Variants in PUM1 observed in about 807,000 individuals in gnomAD.
The protein encoded by PUM1 is pumilio homolog 1.
In PUM1, 13 loss-of-function variants were observed where a neutral mutation model predicts 131.8. That is an observed-to-expected ratio of 0.10 (90% CI 0.06 to 0.16). The LOEUF (loss-of-function observed/expected upper bound fraction) is 0.16. Ranked by LOEUF, PUM1 falls within the 10% of genes least tolerant of loss-of-function variation. The probability of loss-of-function intolerance (pLI) is 1.00; values close to 1 mark genes in which losing one functional copy is unlikely to be tolerated. For missense variants in PUM1, 961 were observed against 1,512.4 expected, an observed-to-expected ratio of 0.64 and a Z score of 6.05; for synonymous variants, 509 against 556.5, an observed-to-expected ratio of 0.91 and a Z score of 1.20.
chr1:30,956,667 G>C (rs1364435664), intron 14 of PUM1, among the ~76,000 whole-genome samples: 1 of 152,188 alleles, frequency 6.6e-6, no homozygotes, highest in Non-Finnish European at 1.5e-5. Flanking sequence ...GCAGGTATGG[G>C]GAAAGTGTGG....
rs1192499013 is a variant in PUM1 at position 31,025,061 on chromosome 1, TG to T, written c.432+3734del. Among the ~76,000 whole-genome samples, 5 of 152,264 alleles carry T rather than the reference TG, an allele frequency of 3.3e-5. No homozygotes were observed. The East Asian group carries it at 9.6e-4, about 29-fold the overall frequency. ...AAGTAGACAAAATTTTTAAATAATTTGTGGCCTTGATCCTAAGATCTTTTCC... is the reference window on the plus strand; with the variant it reads ...AAGTAGACAAAATTTTTAAATAATTTTGGCCTTGATCCTAAGATCTTTTCC... On this transcript the variant is annotated intron_variant, in intron 3 of 21. Coordinates refer to ENST00000426105, the MANE Select transcript of PUM1 (RefSeq NM_001020658.2).
At chr1:31,055,263 G>T (rs1404087725) in intron 2 of PUM1, 1 of 448,420 alleles carries the variant, frequency 2.2e-6, no homozygotes. Context: ...TCTACCTGTT[G>T]CCATGTGTTT....
At chr1:31,019,215 G>A (rs139535052) in intron 3 of PUM1, among the ~76,000 whole-genome samples, 1 of 152,128 alleles carries the variant, frequency 6.6e-6, no homozygotes, top group African/African-American at 2.4e-5. Flanking sequence ...AGCCAGGTGT[G>A]GTGGCAGGCA....
intron 5 of PUM1, among the ~76,000 whole-genome samples, chr1:30,997,291 A>G (rs1642014676): frequency 6.6e-6 from 1 of 152,148 alleles, no homozygotes. Context: ...AGGCAGGATC[A>G]CTTGAGCTCA....
At chr1:31,041,263 A>G (rs1643804662) in intron 2 of PUM1, among the ~76,000 whole-genome samples, 1 of 152,128 alleles carries the variant, frequency 6.6e-6, no homozygotes, top group South Asian at 2.1e-4. Context: ...TTTAACAGAT[A>G]TGGGGGTCTT....
intron 2 of PUM1, among the ~76,000 whole-genome samples, chr1:31,056,600 TTTTC>T (rs563055535): frequency 8.3e-6 from 1 of 120,078 alleles, no homozygotes; most frequent in South Asian, 2.8e-4. Flanking sequence ...AAAACCTTCC[TTTTC>T]TTTTCTTTTT....
At chr1:30,978,532 A>G (rs1202669197) in intron 9 of PUM1, among the ~76,000 whole-genome samples, 1 of 152,250 alleles carries the variant, frequency 6.6e-6, no homozygotes, top group Non-Finnish European at 1.5e-5. Flanking sequence ...TAAAAAATCT[A>G]AGAAATGCTA....
intron 5 of PUM1, among the ~76,000 whole-genome samples, chr1:30,998,602 G>A (rs955395450): frequency 3.3e-5 from 5 of 152,148 alleles, no homozygotes; most frequent in Non-Finnish European, 7.3e-5. Flanking sequence ...TGTGGGGTGG[G>A]CACTTGATCT....
intron 2 of PUM1, among the ~76,000 whole-genome samples, chr1:31,048,131 C>T (rs1192891312): frequency 3.5e-5 from 5 of 142,988 alleles, no homozygotes; most frequent in Non-Finnish European, 6.1e-5. Flanking sequence ...CCCAGCTACT[C>T]GGGAGGCTGA....
Position 30,968,416 on chromosome 1 carries a change from A to G in PUM1, c.1583T>C (p.Val528Ala), listed in dbSNP as rs1444171810. 3.1e-6 allele frequency: 5 copies of G among 1,602,122 alleles called. No individual in the cohort carries two copies. The highest frequency in any genetic ancestry group is 4.3e-6 in the Non-Finnish European group (5 of 1,175,516). Residue 528 changes from valine to alanine, a missense_variant, in exon 11 of 22, where the codon GTG (valine) becomes GCG (alanine). Coordinates refer to ENST00000426105, the MANE Select transcript of PUM1 (RefSeq NM_001020658.2). ...NQQGQQTDPL[V>A]AAAAVNSALA... ...GGCAGAATTCACTGCTGCAGCTGCC[A>G]CAAGGGGATCCGTTTGCTGTCCCTG...
intron 3 of PUM1, among the ~76,000 whole-genome samples, chr1:31,014,699 G>C (rs889651676): frequency 6.6e-6 from 1 of 151,260 alleles, no homozygotes; most frequent in East Asian, 1.9e-4. Flanking sequence ...TGAGGTAGCA[G>C]AATCACTTGA....
At chr1:30,956,170 G>C (rs910681153) in intron 14 of PUM1, among the ~76,000 whole-genome samples, 1 of 152,062 alleles carries the variant, frequency 6.6e-6, no homozygotes, top group Non-Finnish European at 1.5e-5. Context: ...AAATTCCACA[G>C]TATTTCTGAA....
chr1:30,933,834 G>C (rs1451717462), intron 21 of PUM1, among the ~76,000 whole-genome samples: 1 of 152,234 alleles, frequency 6.6e-6, no homozygotes, highest in Non-Finnish European at 1.5e-5. Flanking sequence ...CCAGGTCACA[G>C]TGGATCACAG....
intron 3 of PUM1, among the ~76,000 whole-genome samples, chr1:31,023,852 C>T (rs1156289481): frequency 1.3e-5 from 2 of 150,244 alleles, no homozygotes; most frequent in African/African-American, 4.9e-5. Context: ...TCGCTTGAAC[C>T]CGGGAGGCGG....
At chr1:31,026,997 G>T (rs1296032162) in intron 3 of PUM1, among the ~76,000 whole-genome samples, 5 of 136,252 alleles carry the variant, frequency 3.7e-5, no homozygotes, top group African/African-American at 1.1e-4. Context: ...GATAAAAAAA[G>T]AATTTAACAC....
intron 11 of PUM1, among the ~76,000 whole-genome samples, chr1:30,967,730 T>C (rs1640682694): frequency 6.6e-6 from 1 of 152,230 alleles, no homozygotes; most frequent in Non-Finnish European, 1.5e-5. Flanking sequence ...CTCAGTTAAA[T>C]TGGCTATGCT....
intron 2 of PUM1, among the ~76,000 whole-genome samples, chr1:31,033,933 C>A (rs769764704): frequency 1.3e-5 from 2 of 152,132 alleles, no homozygotes; most frequent in Non-Finnish European, 2.9e-5. Flanking sequence ...AGCCACCGCA[C>A]CCAGCCATGG....
At chr1:31,005,627 C>T (rs578024098) in intron 5 of PUM1, among the ~76,000 whole-genome samples, 14 of 152,074 alleles carry the variant, frequency 9.2e-5, no homozygotes, top group African/African-American at 3.4e-4. Context: ...TCAATGTGTC[C>T]CCCCACCAAA....
chr1:30,966,305 G>T, intron 12 of PUM1, 27 bp from the exon 13 acceptor site: 1 of 1,543,028 alleles, frequency 6.5e-7, no homozygotes, highest in Non-Finnish European at 8.7e-7. Context: ...AAACCGTTTG[G>T]CTATGAAAGG....
Sources: gnomAD v4.1 joint callset for allele counts (sites outside exome capture counted in the v4.1 genomes callset) on GRCh38, gnomAD v4.1.1 for gene constraint, MANE v1.5 for transcripts, NCBI Gene and HGNC (gene_info 2026-07-23, HGNC 2026-07-21) for gene names.